Variants in SYT1 observed in about 807,000 individuals in gnomAD.
SYT1 encodes synaptotagmin 1.
Under a neutral mutation model 44.8 loss-of-function variants are expected in SYT1, and 8 were observed. The observed-to-expected ratio is 0.18, with a 90% CI of 0.10 to 0.32. The LOEUF is 0.32. Among genes scored for constraint, SYT1 ranks in the 10% least tolerant of loss-of-function variants. SYT1 has a pLI of 1.00. For synonymous variants in SYT1, 154 were observed against 188.8 expected (o/e 0.82, Z 1.51); for missense variants, 286 against 509.3 (o/e 0.56, Z 4.22).
Position 78,943,294 on chromosome 12 carries a change from G to A in SYT1, c.-216-34505G>A, listed in dbSNP as rs138787304. On this transcript the variant is annotated intron_variant, in intron 1 of 10. Transcript: ENST00000261205. The stretch of plus-strand genomic sequence containing the variant: ...AAGAATTTAATAGGTTCATGGGCCC[G>A]CAGGCTTTATAAGAAGCATGGTCTT... Among the ~76,000 whole-genome samples, 602 of 152,166 alleles carry A rather than the reference G, an allele frequency of 4.0e-3. 4 individuals are homozygous for A. Among genetic ancestry groups the A allele is most frequent in the African/African-American group, 0.013 (522 of 41,520 alleles).
intron 1 of SYT1, among the ~76,000 whole-genome samples, chr12:78,892,278 C>T (rs1463796035): frequency 2.0e-5 from 3 of 151,778 alleles, no homozygotes; most frequent in Admixed American, 6.6e-5. Context: ...AACCTACCTA[C>T]TACCTACCAC....
chr12:79,370,323 T>C lies in SYT1; in HGVS notation c.928+16704T>C, dbSNP rs1005980962. On this transcript the variant is annotated intron_variant, in intron 9 of 10. Transcript: ENST00000261205. ...ACAGAATTCAAAGAGGACATAACTGTCTGAAAAATGTGAGAAAAGAATTGA... is the reference window on the plus strand; with the variant it reads ...ACAGAATTCAAAGAGGACATAACTGCCTGAAAAATGTGAGAAAAGAATTGA... Among the ~76,000 whole-genome samples the C allele has an allele frequency of 2.0e-5, 3 of 152,170 alleles. No individual in the cohort carries two copies. The East Asian group carries it at 5.8e-4, about 29-fold the overall frequency.
At chr12:79,094,287 C>G (rs1010860305) in intron 3 of SYT1, among the ~76,000 whole-genome samples, 1 of 151,622 alleles carries the variant, frequency 6.6e-6, no homozygotes, top group East Asian at 1.9e-4. Context: ...TACTTTAAAA[C>G]CAACAGCATT....
At chr12:79,326,731 G>A (rs80087605) in intron 8 of SYT1, among the ~76,000 whole-genome samples, 9,156 of 152,184 alleles carry the variant, frequency 0.06, 325 homozygotes, top group African/African-American at 0.1. Flanking sequence ...CCAAACAGTG[G>A]CATTTTAAAG....
chr12:78,986,181 G>A (rs1869629116), intron 2 of SYT1, among the ~76,000 whole-genome samples: 1 of 151,994 alleles, frequency 6.6e-6, no homozygotes, highest in Non-Finnish European at 1.5e-5. Context: ...CTGGTGAATA[G>A]CGAAGATGAT....
At chr12:78,931,104 G>A (rs909361764) in intron 1 of SYT1, among the ~76,000 whole-genome samples, 1 of 149,556 alleles carries the variant, frequency 6.7e-6, no homozygotes, top group African/African-American at 2.5e-5. Context: ...GGAGGATGCA[G>A]TGAGCTGAGA....
At chr12:79,238,635 AAAG>A (rs1356938032) in intron 4 of SYT1, among the ~76,000 whole-genome samples, 4 of 152,212 alleles carry the variant, frequency 2.6e-5, no homozygotes, top group South Asian at 2.1e-4. Flanking sequence ...GCGGTAGTGA[AAAG>A]AAGGAGATGA....
chr12:79,043,767 G>T (rs1239043223), intron 2 of SYT1, among the ~76,000 whole-genome samples: 1 of 152,188 alleles, frequency 6.6e-6, no homozygotes, highest in East Asian at 1.9e-4. Flanking sequence ...GCTGGTGCCA[G>T]TTGTTCCTTT....
intron 3 of SYT1, among the ~76,000 whole-genome samples, chr12:79,144,457 A>G (rs112718743): frequency 7.9e-5 from 12 of 152,236 alleles, no homozygotes; most frequent in African/African-American, 2.9e-4. Context: ...ACATTGGGAT[A>G]AGGGAAAGAG....
chr12:78,979,737 A>T lies in SYT1; in HGVS notation c.-84+1806A>T, dbSNP rs554164919. Among the ~76,000 whole-genome samples the T allele has an allele frequency of 4.9e-4, 74 of 152,200 alleles. 6 individuals are homozygous for T. The South Asian group carries it at 0.015, about 30-fold the overall frequency. On this transcript the variant is annotated intron_variant, in intron 2 of 10. Coordinates refer to ENST00000261205, the MANE Select transcript of SYT1 (RefSeq NM_005639.3). ...TTTTAATATTTAGTGTTAATTAAGGATATGGATGTCTGTTATTTAAAAGCT... is the reference window on the plus strand; with the variant it reads ...TTTTAATATTTAGTGTTAATTAAGGTTATGGATGTCTGTTATTTAAAAGCT...
At chr12:79,311,787 A>G (rs1296890331) in intron 8 of SYT1, among the ~76,000 whole-genome samples, 2 of 146,680 alleles carry the variant, frequency 1.4e-5, no homozygotes, top group Non-Finnish European at 3.0e-5. Context: ...CAAACACCGC[A>G]TGTTCTCACT....
intron 8 of SYT1, among the ~76,000 whole-genome samples, chr12:79,323,867 G>A (rs976319133): frequency 6.7e-6 from 1 of 149,668 alleles, no homozygotes; most frequent in African/African-American, 2.4e-5. Context: ...ATTTGCATAT[G>A]TATAAAAATA....
At chr12:79,287,035 A>G (rs1879346818) in intron 5 of SYT1, among the ~76,000 whole-genome samples, 1 of 152,176 alleles carries the variant, frequency 6.6e-6, no homozygotes, top group African/African-American at 2.4e-5. Context: ...TACAACAGGC[A>G]TTTTAAGTAC....
chr12:78,954,713 T>A (rs1879125275), intron 1 of SYT1, among the ~76,000 whole-genome samples: 1 of 152,106 alleles, frequency 6.6e-6, no homozygotes, highest in African/African-American at 2.4e-5. Context: ...TTGTTGAATA[T>A]TAGCACATGA....
chr12:79,450,484 A>C lies in SYT1; in HGVS notation c.*1360A>C, dbSNP rs1015475475. 2.6e-5 allele frequency: 4 copies of C among 152,464 alleles called. No homozygotes were observed. Among genetic ancestry groups the C allele is most frequent in the African/African-American group, 9.7e-5 (4 of 41,388 alleles). The allele number at this position is 152,464 out of a possible 1,614,324, so 9.4% of individuals were successfully genotyped here. Reference sequence around the variant, plus strand: ...TATACTAGATGCTTGATTTAGGAGGAGTTTTTAAACGTTTTCAATGTTATT... The same window carrying C: ...TATACTAGATGCTTGATTTAGGAGGCGTTTTTAAACGTTTTCAATGTTATT... On this transcript the variant is annotated 3_prime_UTR_variant, in exon 11 of 11. Transcript: ENST00000261205.
chr12:78,902,152 G>A (rs576219915), intron 1 of SYT1, among the ~76,000 whole-genome samples: 3 of 151,598 alleles, frequency 2.0e-5, no homozygotes, highest in South Asian at 2.1e-4. Context: ...AAACCTGCAC[G>A]TTCTGCACAT....
At chr12:79,264,307 G>C (rs1334891169) in intron 4 of SYT1, among the ~76,000 whole-genome samples, 1 of 151,660 alleles carries the variant, frequency 6.6e-6, no homozygotes, top group African/African-American at 2.4e-5. Flanking sequence ...AGCCTCTCGA[G>C]TAGCTGGGAC....
intron 4 of SYT1, among the ~76,000 whole-genome samples, chr12:79,219,912 TTGTC>T (rs1419528703): frequency 3.3e-5 from 5 of 152,058 alleles, no homozygotes; most frequent in African/African-American, 4.8e-5. Context: ...TGTAGTGTCT[TTGTC>T]TGGCATTTCT....
intron 1 of SYT1, among the ~76,000 whole-genome samples, chr12:78,893,915 C>A (rs191177947): frequency 5.1e-4 from 77 of 151,676 alleles, no homozygotes; most frequent in Admixed American, 5.0e-3. Context: ...GTCTCTCATG[C>A]GCAAAGATGC....
Sources: gnomAD v4.1 joint callset for allele counts (sites outside exome capture counted in the v4.1 genomes callset) on GRCh38, gnomAD v4.1.1 for gene constraint, MANE v1.5 for transcripts, NCBI Gene and HGNC (gene_info 2026-07-23, HGNC 2026-07-21) for gene names.